The following ADARB1 variants were observed in gnomAD, a reference collection of about 807,000 sequenced individuals.
ADARB1 encodes adenosine deaminase RNA specific B1, also known as double-stranded RNA-specific editase 1.
A neutral mutation model predicts 52.4 loss-of-function variants in ADARB1; 10 were observed. The observed-to-expected ratio is 0.19, with a 90% CI of 0.12 to 0.32. ADARB1 has a LOEUF of 0.32. Among genes scored for constraint, ADARB1 ranks in the 10% least tolerant of loss-of-function variants. ADARB1 has a pLI of 1.00. For synonymous variants in ADARB1, 349 were observed against 371.1 expected (o/e 0.94, Z 0.68); for missense variants, 643 against 922.3 (o/e 0.70, Z 3.92).
intron 9 of ADARB1, among the ~76,000 whole-genome samples, chr21:45,216,409 T>C (rs2092864251): frequency 6.6e-6 from 1 of 152,184 alleles, no homozygotes; most frequent in Non-Finnish European, 1.5e-5. Flanking sequence ...GTCATTGTTT[T>C]AAGACCCTTT....
chr21:45,216,755 C>T (rs1415770964), intron 9 of ADARB1, among the ~76,000 whole-genome samples: 1 of 151,918 alleles, frequency 6.6e-6, no homozygotes, highest in African/African-American at 2.4e-5. Flanking sequence ...CTTTTATATT[C>T]TTACCGATCT....
intron 1 of ADARB1, chr21:45,118,664 T>C (rs1456594043): frequency 2.6e-5 from 4 of 152,276 alleles, no homozygotes; most frequent in East Asian, 1.9e-4. Flanking sequence ...CTGGGCTTCA[T>C]GTCCTGACGG....
chr21:45,169,304 C>T (rs1208208491), intron 2 of ADARB1, among the ~76,000 whole-genome samples: 2 of 152,154 alleles, frequency 1.3e-5, no homozygotes, highest in Admixed American at 6.5e-5. Flanking sequence ...ACGGGTGGGG[C>T]GTGGTTGAGG....
At chr21:45,179,239 C>G (rs2091830736) in intron 4 of ADARB1, among the ~76,000 whole-genome samples, 1 of 152,224 alleles carries the variant, frequency 6.6e-6, no homozygotes, top group Admixed American at 6.5e-5. Flanking sequence ...ACCAAAGCCT[C>G]TGTCCATTCT....
chr21:45,116,482 C>T (rs950297767), intron 1 of ADARB1, among the ~76,000 whole-genome samples: 1 of 152,210 alleles, frequency 6.6e-6, no homozygotes, highest in African/African-American at 2.4e-5. Flanking sequence ...ATAGAAGCAA[C>T]TTTTGTTATT....
At chr21:45,215,598 A>G (rs1481488809) in intron 9 of ADARB1, among the ~76,000 whole-genome samples, 1 of 152,096 alleles carries the variant, frequency 6.6e-6, no homozygotes, top group Non-Finnish European at 1.5e-5. Context: ...CCCATCTGAA[A>G]CAACAACAAC....
At chr21:45,108,731 CTGTAT>C (rs2087370856) in intron 1 of ADARB1, among the ~76,000 whole-genome samples, 1 of 148,358 alleles carries the variant, frequency 6.7e-6, no homozygotes, top group African/African-American at 2.5e-5. Flanking sequence ...TAGGATGGCT[CTGTAT>C]TCATTATGGA....
intron 2 of ADARB1, chr21:45,133,470 A>G (rs2089082723): frequency 6.5e-6 from 1 of 154,354 alleles, no homozygotes; most frequent in African/African-American, 2.4e-5. Context: ...CTTTTGATGA[A>G]CTCAGTCAGC....
intron 1 of ADARB1, among the ~76,000 whole-genome samples, chr21:45,093,407 A>G (rs1174666548): frequency 6.6e-6 from 1 of 152,172 alleles, no homozygotes; most frequent in East Asian, 1.9e-4. Context: ...GCAGGTTTCC[A>G]CAGGCCTCTG....
At chr21:45,168,993 C>T (rs1056923512) in intron 2 of ADARB1, among the ~76,000 whole-genome samples, 1 of 152,206 alleles carries the variant, frequency 6.6e-6, no homozygotes, top group Non-Finnish European at 1.5e-5. Context: ...GATGCTGTCT[C>T]ATTACTGCTG....
chr21:45,133,290 G>A (rs1407071427), intron 2 of ADARB1, among the ~76,000 whole-genome samples: 1 of 152,256 alleles, frequency 6.6e-6, no homozygotes, highest in Non-Finnish European at 1.5e-5. Context: ...GGCCTGTGGC[G>A]CTTGGCTCCT....
chr21:45,159,838 G>A (rs1296152823), intron 2 of ADARB1, among the ~76,000 whole-genome samples: 1 of 152,190 alleles, frequency 6.6e-6, no homozygotes, highest in African/African-American at 2.4e-5. Context: ...AGGCCAGATG[G>A]GTGCTGCTCA....
chr21:45,113,111 G>A (rs565295492), intron 1 of ADARB1, among the ~76,000 whole-genome samples: 1 of 152,168 alleles, frequency 6.6e-6, no homozygotes, highest in Non-Finnish European at 1.5e-5. Flanking sequence ...GGACTAAAAT[G>A]TGATAGTGAA....
intron 2 of ADARB1, among the ~76,000 whole-genome samples, chr21:45,171,141 C>A (rs1373182803): frequency 6.6e-6 from 1 of 152,222 alleles, no homozygotes; most frequent in African/African-American, 2.4e-5. Flanking sequence ...AGGTCTGTCG[C>A]CATCTGTCAT....
chr21:45,076,121 C>G (rs2085924425), intron 1 of ADARB1, among the ~76,000 whole-genome samples: 1 of 152,156 alleles, frequency 6.6e-6, no homozygotes, highest in African/African-American at 2.4e-5. Flanking sequence ...CTTTTGATGA[C>G]CATCTTTTCC....
chr21:45,222,121 C>T lies in ADARB1; in HGVS notation c.2030C>T (p.Thr677Ile). 2 of 1,612,416 alleles carry T rather than the reference C, an allele frequency of 1.2e-6. No individual in the cohort carries two copies. The highest frequency in any genetic ancestry group is 2.2e-5 in the East Asian group (1 of 44,862). The stretch of plus-strand genomic sequence containing the variant: ...CAGGCCGCCAAGGCGCGTCTGTTCA[C>T]AGCCTTCATCAAGGCGGGGCTGGGG... ...EYQAAKARLFTAFIKAGLGAW... is the reference protein window; with the variant it reads ...EYQAAKARLFIAFIKAGLGAW... The change falls in exon 11 of 11, where the codon ACA becomes ATA. Residue 677 changes from threonine (T) to isoleucine (I), a missense_variant. Around this residue, in one of 2 missense-constraint regions of ADARB1, gnomAD observed 263 missense variants for 475.8 expected, o/e 0.55. Transcript: ENST00000348831.
Position 45,183,398 on chromosome 21 carries a change from A to T in ADARB1, c.1284A>T (p.Lys428Asn). The T allele has an allele frequency of 6.2e-7, 1 of 1,605,348 alleles. No homozygotes were observed. The highest frequency in any genetic ancestry group is 8.5e-7 in the Non-Finnish European group (1 of 1,177,706). ...ATCAAAAAAGATCCATCTTTCAGAA[A>T]TCAGAGCGAGGGGGGTTTAGGCTGA... Reference protein sequence around the residue: ...KDDQKRSIFQKSERGGFRLKE... With the variant: ...KDDQKRSIFQNSERGGFRLKE... Residue 428 changes from lysine to asparagine, a missense_variant, in exon 7 of 11, where the codon AAA (lysine) becomes AAT (asparagine). By Grantham distance (94) the Lys-to-Asn change is moderately conservative (BLOSUM62 0). This residue lies in a region of ADARB1 where 263 missense variants were observed against 475.8 expected (regional missense o/e 0.55). Transcript: ENST00000348831.
At chr21:45,210,619 C>T (rs916358773) in intron 9 of ADARB1, among the ~76,000 whole-genome samples, 1 of 152,212 alleles carries the variant, frequency 6.6e-6, no homozygotes, top group African/African-American at 2.4e-5. Flanking sequence ...CCCTGTGGGC[C>T]GGGCCTGCCG....
chr21:45,190,269 C>G (rs1350408761), intron 8 of ADARB1, among the ~76,000 whole-genome samples: 1 of 152,088 alleles, frequency 6.6e-6, no homozygotes, highest in Non-Finnish European at 1.5e-5. Context: ...TTGTATTTTT[C>G]AGCTCCAGAA....
Sources: gnomAD v4.1 joint callset for allele counts (sites outside exome capture counted in the v4.1 genomes callset) on GRCh38, gnomAD v4.1.1 for gene constraint, gnomAD v4.1.1 regional missense constraint, MANE v1.5 for transcripts, NCBI Gene and HGNC (gene_info 2026-07-23, HGNC 2026-07-21) for gene names.